SYNPO2: variants seen among roughly 807,000 people sequenced by gnomAD.
SYNPO2 encodes synaptopodin-2.
Under a neutral mutation model 85.0 loss-of-function variants are expected in SYNPO2, and 56 were observed. The observed-to-expected ratio is 0.66, with a 90% CI of 0.53 to 0.82. The LOEUF (loss-of-function observed/expected upper bound fraction) is 0.82. Among genes scored for constraint, SYNPO2 ranks in the 40% least tolerant of loss-of-function variants. SYNPO2 has a pLI of 0.00. For synonymous variants in SYNPO2, 602 were observed against 591.1 expected (o/e 1.02, Z -0.27); for missense variants, 1,575 against 1,534.2 (o/e 1.03, Z -0.44).
At chr4:118,955,471 C>T (rs976444619) in intron 1 of SYNPO2, among the ~76,000 whole-genome samples, 1 of 152,168 alleles carries the variant, frequency 6.6e-6, no homozygotes, top group Non-Finnish European at 1.5e-5. Flanking sequence ...GTATGCATTT[C>T]CCCTACCTGT....
In SYNPO2 at chr4:118,890,733, C is replaced by CTCTCTCTCTGTGTG. The variant is rs749295331; in HGVS notation, c.105+1593_105+1594insCTCTCTCTGTGTGT. On this transcript the variant is annotated intron_variant, in intron 1 of 4. Transcript: ENST00000307142. ...TCTCTCTCTCTCTCTCTCTCTCTCTCTGTGTGTGTGTGTGTGTGTGTGTAG... is the reference window on the plus strand; with the variant it reads ...TCTCTCTCTCTCTCTCTCTCTCTCTCTCTCTCTCTGTGTGTGTGTGTGTGTGTGTGTGTGTGTAG... Among the ~76,000 whole-genome samples, 864 of 126,142 alleles carry CTCTCTCTCTGTGTG rather than the reference C, an allele frequency of 6.8e-3. 7 individuals carry two copies. The highest frequency in any genetic ancestry group is 0.022 in the African/African-American group (721 of 33,346). 82.8% of individuals were successfully genotyped at this position (126,142 alleles called of 152,430 possible).
intron 1 of SYNPO2, among the ~76,000 whole-genome samples, chr4:118,963,033 G>T (rs1291255836): frequency 3.9e-5 from 6 of 152,142 alleles, no homozygotes; most frequent in Admixed American, 3.9e-4. Context: ...GGAAGGAGAG[G>T]TCATTTTTCA....
chr4:118,923,395 G>A (rs1733603489), intron 1 of SYNPO2, among the ~76,000 whole-genome samples: 1 of 152,058 alleles, frequency 6.6e-6, no homozygotes, highest in Non-Finnish European at 1.5e-5. Flanking sequence ...GCCTATTTGA[G>A]GATGGATTGG....
At chr4:119,013,994 T>G (rs60666225) in intron 1 of SYNPO2, among the ~76,000 whole-genome samples, 8,677 of 152,282 alleles carry the variant, frequency 0.057, 655 homozygotes, top group African/African-American at 0.17. Context: ...AGACTATCAA[T>G]GTACTCCTCC....
chr4:118,993,223 T>G (rs1404506382), intron 1 of SYNPO2, among the ~76,000 whole-genome samples: 1 of 152,154 alleles, frequency 6.6e-6, no homozygotes, highest in African/African-American at 2.4e-5. Flanking sequence ...TGTATTTGTG[T>G]GTGTTTGTGT....
intron 1 of SYNPO2, among the ~76,000 whole-genome samples, chr4:118,932,918 G>A (rs1414901316): frequency 2.6e-5 from 4 of 152,032 alleles, no homozygotes; most frequent in African/African-American, 4.8e-5. Flanking sequence ...GCAATGCTGC[G>A]AGGAAACATG....
intron 4 of SYNPO2, chr4:119,034,345 C>A: frequency 5.1e-6 from 5 of 975,884 alleles, no homozygotes; most frequent in Non-Finnish European, 6.1e-6. Flanking sequence ...TGGTAATGAC[C>A]CAGAAGTATT....
At chr4:119,025,499 T>C (rs752826287) in intron 2 of SYNPO2, among the ~76,000 whole-genome samples, 1 of 152,240 alleles carries the variant, frequency 6.6e-6, no homozygotes, top group Non-Finnish European at 1.5e-5. Flanking sequence ...AGTTTTGTTT[T>C]GCCAAATGCA....
rs542992689 is a variant in SYNPO2, at chr4:119,021,778, T to C, written c.106-1652T>C. Among the ~76,000 whole-genome samples the C allele has an allele frequency of 2.4e-4, 37 of 152,148 alleles. 1 individual carries two copies. The highest frequency in any genetic ancestry group is 8.7e-4 in the African/African-American group (36 of 41,504). On this transcript the variant is annotated intron_variant, in intron 1 of 4. Coordinates refer to ENST00000307142, the MANE Select transcript of SYNPO2 (RefSeq NM_133477.3). ...TAGGCCCAAAGGTACAAGGAGATAA[T>C]GTGTGTTGTTGGAACCTAACGAGTT...
At chr4:119,008,748 G>T (rs1328662697) in intron 1 of SYNPO2, among the ~76,000 whole-genome samples, 5 of 151,922 alleles carry the variant, frequency 3.3e-5, no homozygotes, top group African/African-American at 1.2e-4. Context: ...GTAGTTGCTT[G>T]GGTTAAGTAA....
chr4:118,907,526 GTAAA>G (rs1305676460), intron 1 of SYNPO2, among the ~76,000 whole-genome samples: 1 of 152,130 alleles, frequency 6.6e-6, no homozygotes, highest in African/African-American at 2.4e-5. Flanking sequence ...GCTCATTTGG[GTAAA>G]TATGTCAAAG....
At chr4:118,862,955 C>T (rs1560801712) in intron 1 of SYNPO2, among the ~76,000 whole-genome samples, 1 of 152,050 alleles carries the variant, frequency 6.6e-6, no homozygotes, top group Non-Finnish European at 1.5e-5. Context: ...GGATTACAGG[C>T]TCCCGCCACC....
intron 3 of SYNPO2, among the ~76,000 whole-genome samples, chr4:119,029,548 C>A (rs930483676): frequency 6.6e-6 from 1 of 151,890 alleles, no homozygotes; most frequent in African/African-American, 2.4e-5. Flanking sequence ...CATTTACTAG[C>A]CAGTTTTTAT....
intron 1 of SYNPO2, among the ~76,000 whole-genome samples, chr4:118,902,487 G>T (rs1005204088): frequency 6.6e-5 from 10 of 152,138 alleles, no homozygotes; most frequent in Non-Finnish European, 1.5e-4. Flanking sequence ...GATCTGGTGA[G>T]ACTTACTTAT....
chr4:118,867,633 A>G (rs1303340383), intron 1 of SYNPO2, among the ~76,000 whole-genome samples: 1 of 152,170 alleles, frequency 6.6e-6, no homozygotes, highest in African/African-American at 2.4e-5. Context: ...AAAAGTGGTT[A>G]CTTACTCATC....
intron 1 of SYNPO2, among the ~76,000 whole-genome samples, chr4:118,977,790 T>G (rs1331238752): frequency 6.6e-6 from 1 of 152,220 alleles, no homozygotes; most frequent in Non-Finnish European, 1.5e-5. Flanking sequence ...TATATCATGG[T>G]GAGTAGTGCT....
rs1560945121 is a variant in SYNPO2, at chr4:118,984,196, A to G, written c.106-39234A>G. 2.0e-5 allele frequency among the ~76,000 whole-genome samples: 3 copies of G among 152,212 alleles called. 1 individual carries two copies. The South Asian group carries it at 6.2e-4, about 32-fold the overall frequency. ...TTTTCCAAAACAGTCCTTTCCATAC[A>G]AAAGAAACTGGTAACATTAGTTGCT... On this transcript the variant is annotated intron_variant, in intron 1 of 4. Coordinates refer to ENST00000307142, the MANE Select transcript of SYNPO2 (RefSeq NM_133477.3).
At chr4:119,040,670 A>G (rs537125597) in intron 4 of SYNPO2, among the ~76,000 whole-genome samples, 18 of 152,340 alleles carry the variant, frequency 1.2e-4, no homozygotes, top group African/African-American at 4.3e-4. Flanking sequence ...ATGTTTGTAA[A>G]CCAAACATAT....
At chr4:118,974,822 C>T (rs1447251632) in intron 1 of SYNPO2, among the ~76,000 whole-genome samples, 1 of 152,144 alleles carries the variant, frequency 6.6e-6, no homozygotes, top group Non-Finnish European at 1.5e-5. Flanking sequence ...TGTCTCTTAC[C>T]TCCTTCCTGG....
Sources: allele counts gnomAD v4.1 joint callset (sites outside exome capture counted in the v4.1 genomes callset), GRCh38; gene constraint gnomAD v4.1.1; transcripts MANE v1.5; gene names NCBI Gene and HGNC (gene_info 2026-07-23, HGNC 2026-07-21).